LRP1B: variants seen among roughly 807,000 people sequenced by gnomAD.
LRP1B encodes the protein low-density lipoprotein receptor-related protein 1B.
In LRP1B, 217 loss-of-function variants were observed where a neutral mutation model predicts 556.6. The ratio of observed to expected loss-of-function variants is 0.39; its 90% CI spans 0.35 to 0.44. LRP1B has a LOEUF of 0.44. LRP1B is among the 20% of genes least tolerant of loss of function. The pLI, the probability that LRP1B is intolerant of heterozygous loss-of-function variation, is 1.00. For synonymous variants in LRP1B, 2,047 were observed against 1,865.8 expected (o/e 1.10, Z -2.50); for missense variants, 5,053 against 5,620.8 (o/e 0.90, Z 3.23).
At chr2:140,645,730 G>A (rs1302512558) in intron 41 of LRP1B, among the ~76,000 whole-genome samples, 1 of 151,328 alleles carries the variant, frequency 6.6e-6, no homozygotes, top group Non-Finnish European at 1.5e-5. Flanking sequence ...AGTAGAGACG[G>A]GGTTTCACCA....
chr2:140,650,434 C>T (rs937777783), intron 41 of LRP1B, among the ~76,000 whole-genome samples: 2 of 151,566 alleles, frequency 1.3e-5, no homozygotes, highest in African/African-American at 2.4e-5. Context: ...CTGCAACCTC[C>T]GCTTTCTGGG....
intron 3 of LRP1B, among the ~76,000 whole-genome samples, chr2:141,433,136 C>T (rs1393576831): frequency 1.3e-5 from 2 of 151,978 alleles, no homozygotes; most frequent in Non-Finnish European, 2.9e-5. Flanking sequence ...TGATATCTTC[C>T]TGATGCATTG....
At chr2:141,865,629 A>G (rs1032588620) in intron 1 of LRP1B, among the ~76,000 whole-genome samples, 4 of 151,572 alleles carry the variant, frequency 2.6e-5, no homozygotes, top group African/African-American at 9.7e-5. Flanking sequence ...AGAAAAAAAG[A>G]CAGAAATTTT....
At chr2:141,312,779 C>T (rs1490329854) in intron 3 of LRP1B, among the ~76,000 whole-genome samples, 6 of 151,900 alleles carry the variant, frequency 3.9e-5, no homozygotes, top group African/African-American at 9.7e-5. Context: ...GCCTCTGCCT[C>T]CCAGGTTCAA....
At chr2:140,483,130 G>A (rs1688308775) in intron 59 of LRP1B, among the ~76,000 whole-genome samples, 1 of 151,998 alleles carries the variant, frequency 6.6e-6, no homozygotes, top group Admixed American at 6.6e-5. Context: ...GTTTTTAATT[G>A]TTTCATAAAG....
intron 32 of LRP1B, among the ~76,000 whole-genome samples, chr2:140,791,272 C>CA (rs1230471489): frequency 6.6e-6 from 1 of 151,264 alleles, no homozygotes; most frequent in Admixed American, 6.6e-5. Flanking sequence ...CAAAACAAAA[C>CA]AAAAAAACCA....
At chr2:140,551,520 C>T (rs1029627629) in intron 43 of LRP1B, among the ~76,000 whole-genome samples, 5 of 152,152 alleles carry the variant, frequency 3.3e-5, no homozygotes, top group African/African-American at 1.2e-4. Flanking sequence ...TAATATATAA[C>T]ACATTCCTTT....
At chr2:140,567,349 G>C (rs189982220) in intron 43 of LRP1B, among the ~76,000 whole-genome samples, 1 of 152,244 alleles carries the variant, frequency 6.6e-6, no homozygotes, top group Admixed American at 6.5e-5. Context: ...ACTATCTGCT[G>C]ACTTATTCCT....
intron 17 of LRP1B, among the ~76,000 whole-genome samples, chr2:140,982,762 C>T (rs928443193): frequency 1.3e-5 from 2 of 152,092 alleles, no homozygotes; most frequent in African/African-American, 4.8e-5. Flanking sequence ...ATTCCTCTAA[C>T]ATTTTTAATG....
chr2:141,429,266 C>A (rs1573935905), intron 3 of LRP1B, among the ~76,000 whole-genome samples: 1 of 152,056 alleles, frequency 6.6e-6, no homozygotes. Flanking sequence ...CTATTTTTCA[C>A]TTATAATTAA....
chr2:141,499,073 A>G (rs1332731390), intron 2 of LRP1B, among the ~76,000 whole-genome samples: 1 of 152,096 alleles, frequency 6.6e-6, no homozygotes, highest in African/African-American at 2.4e-5. Flanking sequence ...TAAATTCAGA[A>G]GAAAGGCCTT....
chr2:141,113,762 T>A, intron 7 of LRP1B, among the ~76,000 whole-genome samples: 1 of 151,954 alleles, frequency 6.6e-6, no homozygotes, highest in African/African-American at 2.4e-5. Context: ...CAAAAAGCTA[T>A]TAATATTTCC....
Position 141,285,542 on chromosome 2 carries a change from G to A in LRP1B, c.344-30901C>T, listed in dbSNP as rs1201708829. On this transcript the variant is annotated intron_variant, in intron 3 of 90. Transcript: ENST00000389484. The stretch of plus-strand genomic sequence containing the variant: ...TTGGCATCAGCTCACTGCAACCTCC[G>A]CCTCCCAGGTTCAAGCGATTCTCCT... Among the ~76,000 whole-genome samples, 12 of 136,536 alleles carry A rather than the reference G, an allele frequency of 8.8e-5. No individual in the cohort carries two copies. In the South Asian group the frequency reaches 1.4e-3, roughly 16 times the overall value. 89.6% of individuals were successfully genotyped at this position (136,536 alleles called of 152,430 possible).
At chr2:141,197,491 G>A (rs892251046) in intron 6 of LRP1B, among the ~76,000 whole-genome samples, 1 of 152,002 alleles carries the variant, frequency 6.6e-6, no homozygotes, top group African/African-American at 2.4e-5. Flanking sequence ...ACATTCAAAA[G>A]CATTTTTTAC....
At chr2:141,736,174 G>A (rs182498408) in intron 2 of LRP1B, among the ~76,000 whole-genome samples, 5 of 152,160 alleles carry the variant, frequency 3.3e-5, no homozygotes, top group Admixed American at 1.3e-4. Context: ...GGATTTCTCA[G>A]GCTGAGAATA....
intron 4 of LRP1B, 137 bp downstream of exon 4, chr2:141,254,384 GC>G: frequency 1.3e-6 from 1 of 790,420 alleles, no homozygotes; most frequent in Middle Eastern, 3.2e-4. Flanking sequence ...TGTTGGGGGG[GC>G]AACTTTTAAA....
In LRP1B at chr2:141,682,592, T is replaced by A. The variant is rs576762329; in HGVS notation, c.205+127687A>T. ...CATATAACTAGGCTCCATTCCCATG[T>A]TGGAAAAAGACTGAATGATTAGGAA... On this transcript the variant is annotated intron_variant, in intron 2 of 90. Transcript: ENST00000389484. Among the ~76,000 whole-genome samples the A allele has an allele frequency of 1.2e-4, 18 of 152,290 alleles. No individual in the cohort carries two copies. The South Asian group carries it at 3.7e-3, about 32-fold the overall frequency.
chr2:141,674,981 T>C (rs1407113664), intron 2 of LRP1B, among the ~76,000 whole-genome samples: 1 of 152,022 alleles, frequency 6.6e-6, no homozygotes, highest in Non-Finnish European at 1.5e-5. Context: ...TGGTAACTTT[T>C]TGTTTTGATT....
chr2:141,388,438 A>AAAATAAATAAATTAATT (rs1480394613), intron 3 of LRP1B, among the ~76,000 whole-genome samples: 1 of 152,172 alleles, frequency 6.6e-6, no homozygotes, highest in South Asian at 2.1e-4. Context: ...TTCTGTCTCA[A>AAAATAAATAAATTAATT]AAATAAATAA....
Sources: gnomAD v4.1 joint callset for allele counts (sites outside exome capture counted in the v4.1 genomes callset) on GRCh38, gnomAD v4.1.1 for gene constraint, MANE v1.5 for transcripts, NCBI Gene and HGNC (gene_info 2026-07-23, HGNC 2026-07-21) for gene names.